KLF12: variants seen among roughly 807,000 people sequenced by gnomAD.
KLF12 encodes KLF transcription factor 12, also known as Krueppel-like factor 12.
A neutral mutation model predicts 37.8 loss-of-function variants in KLF12; 9 were observed. The ratio of observed to expected loss-of-function variants is 0.24; its 90% CI spans 0.14 to 0.42. KLF12 has a LOEUF of 0.42. Among genes scored for constraint, KLF12 ranks in the 10% least tolerant of loss-of-function variants. KLF12 has a pLI of 1.00. For synonymous variants in KLF12, 208 were observed against 202.1 expected (o/e 1.03, Z -0.25); for missense variants, 411 against 516.0 (o/e 0.80, Z 1.97).
chr13:73,795,832 T>C (rs1479915034), intron 5 of KLF12, among the ~76,000 whole-genome samples: 2 of 152,174 alleles, frequency 1.3e-5, no homozygotes, highest in Non-Finnish European at 2.9e-5. Flanking sequence ...CAAGTATTTA[T>C]TCATAAATAT....
the KLF12 span, among the ~76,000 whole-genome samples, chr13:74,211,015 T>G: frequency 6.6e-6 from 1 of 152,148 alleles, no homozygotes; most frequent in Non-Finnish European, 1.5e-5. Flanking sequence ...AGAGAGTCTC[T>G]GAGATCTTAT....
At chr13:73,700,335 A>C (rs950909713) in intron 7 of KLF12, among the ~76,000 whole-genome samples, 1 of 151,674 alleles carries the variant, frequency 6.6e-6, no homozygotes, top group African/African-American at 2.4e-5. Flanking sequence ...TTTATAAGCT[A>C]TTTGGGGCTA....
rs78913887 is a variant in KLF12 at position 73,815,056 on chromosome 13, A to T, written c.671-1769T>A. Among the ~76,000 whole-genome samples the T allele has an allele frequency of 3.6e-4, 55 of 151,710 alleles. 1 individual carries two copies. The highest frequency in any genetic ancestry group is 1.3e-3 in the African/African-American group (54 of 41,376). ...CTGGCCTTGTCTTAAAAAAAAAAAA[A>T]TCACTGTCATGTGACTCTGTACCTC... On this transcript the variant is annotated intron_variant, in intron 4 of 7. Coordinates refer to ENST00000377669, the MANE Select transcript of KLF12 (RefSeq NM_007249.5).
the KLF12 span, among the ~76,000 whole-genome samples, chr13:74,264,082 G>A: frequency 2.0e-4 from 30 of 152,262 alleles, no homozygotes; most frequent in South Asian, 4.2e-4. Flanking sequence ...GTCAGTGATC[G>A]AAGGATGACA....
At chr13:73,744,831 A>G (rs903909791) in intron 6 of KLF12, among the ~76,000 whole-genome samples, 2 of 152,178 alleles carry the variant, frequency 1.3e-5, no homozygotes, top group African/African-American at 4.8e-5. Context: ...ATGTCTCTAC[A>G]TTATTAGGGT....
At chr13:73,766,028 A>T (rs1217371493) in intron 5 of KLF12, among the ~76,000 whole-genome samples, 4 of 152,238 alleles carry the variant, frequency 2.6e-5, no homozygotes. Flanking sequence ...GGCCAACTGC[A>T]GTCTTTCCCT....
intron 1 of KLF12, among the ~76,000 whole-genome samples, chr13:74,063,337 C>T (rs1031010018): frequency 2.6e-5 from 4 of 152,174 alleles, no homozygotes; most frequent in Non-Finnish European, 5.9e-5. Flanking sequence ...TTTAAGGAGG[C>T]TTGAACTAAA....
intron 3 of KLF12, among the ~76,000 whole-genome samples, chr13:73,849,904 T>C (rs1184355486): frequency 2.0e-5 from 3 of 152,142 alleles, no homozygotes; most frequent in Non-Finnish European, 4.4e-5. Flanking sequence ...GATAGAAGAC[T>C]TACTGTATTC....
chr13:74,230,833 T>G, the KLF12 span, among the ~76,000 whole-genome samples: 1 of 152,192 alleles, frequency 6.6e-6, no homozygotes, highest in Non-Finnish European at 1.5e-5. Flanking sequence ...TCCCTTCCAA[T>G]TCTTTCCAAT....
chr13:74,240,977 T>C, the KLF12 span, among the ~76,000 whole-genome samples: 19 of 152,116 alleles, frequency 1.2e-4, no homozygotes, highest in East Asian at 3.7e-3. Context: ...CTTTGTTCCG[T>C]TGCTGGTGAG....
intron 1 of KLF12, among the ~76,000 whole-genome samples, chr13:74,083,160 T>C (rs1875015528): frequency 6.6e-6 from 1 of 152,188 alleles, no homozygotes; most frequent in Admixed American, 6.5e-5. Context: ...CATCCATTAT[T>C]ATCTGTCTTA....
chr13:74,188,719 G>A, the KLF12 span, among the ~76,000 whole-genome samples: 1 of 152,152 alleles, frequency 6.6e-6, no homozygotes, highest in South Asian at 2.1e-4. Context: ...GAGTGGGCCA[G>A]GCGTGGTGGC....
chr13:74,111,005 T>C (rs1876939266), intron 1 of KLF12, among the ~76,000 whole-genome samples: 1 of 151,906 alleles, frequency 6.6e-6, no homozygotes, highest in South Asian at 2.1e-4. Context: ...ATACAAAAAT[T>C]AGCCAGGCAT....
Position 73,774,444 on chromosome 13 carries a change from A to G in KLF12, c.807-9444T>C, listed in dbSNP as rs1412278491. On this transcript the variant is annotated intron_variant, in intron 5 of 7. Coordinates refer to ENST00000377669, the MANE Select transcript of KLF12 (RefSeq NM_007249.5). Reference sequence around the variant, plus strand: ...GTTCTTTGGACCTGCATCGGCCCACACCTGGAACCATCCCAAGCCAGAATG... The same window carrying G: ...GTTCTTTGGACCTGCATCGGCCCACGCCTGGAACCATCCCAAGCCAGAATG... 2.0e-5 allele frequency among the ~76,000 whole-genome samples: 3 copies of G among 152,136 alleles called. No homozygotes were observed. In the East Asian group the frequency reaches 5.8e-4, roughly 29 times the overall value.
At chr13:74,138,973 T>C in the KLF12 span, among the ~76,000 whole-genome samples, 2 of 152,210 alleles carry the variant, frequency 1.3e-5, no homozygotes, top group African/African-American at 4.8e-5. Flanking sequence ...CATACATGTA[T>C]ACATATCCAT....
chr13:73,761,500 C>T (rs1312612613), intron 6 of KLF12, among the ~76,000 whole-genome samples: 3 of 152,102 alleles, frequency 2.0e-5, no homozygotes. Flanking sequence ...CCCTTATTTC[C>T]CATTAGTTTC....
chr13:73,953,148 T>C (rs1433252288), intron 2 of KLF12, among the ~76,000 whole-genome samples: 3 of 152,202 alleles, frequency 2.0e-5, no homozygotes, highest in Non-Finnish European at 4.4e-5. Flanking sequence ...TACTACATTC[T>C]GGGATACATG....
chr13:73,931,645 T>C (rs1227843986), intron 3 of KLF12, among the ~76,000 whole-genome samples: 1 of 152,172 alleles, frequency 6.6e-6, no homozygotes, highest in Non-Finnish European at 1.5e-5. Flanking sequence ...GAAAATAATG[T>C]TATTTTGCAA....
intron 2 of KLF12, among the ~76,000 whole-genome samples, chr13:73,945,184 C>A (rs1055798679): frequency 6.6e-6 from 1 of 152,138 alleles, no homozygotes; most frequent in African/African-American, 2.4e-5. Flanking sequence ...ATAAGAACAA[C>A]TGGGCCAGGC....
Sources: allele counts gnomAD v4.1 joint callset (sites outside exome capture counted in the v4.1 genomes callset), GRCh38; gene constraint gnomAD v4.1.1; transcripts MANE v1.5; gene names NCBI Gene and HGNC (gene_info 2026-07-23, HGNC 2026-07-21).